PCDH15: variants seen among roughly 807,000 people sequenced by gnomAD.
PCDH15 encodes protocadherin-15.
PCDH15 carries 129 observed loss-of-function variants against 178.5 expected under a neutral mutation model. The observed-to-expected ratio is 0.72, with a 90% confidence interval of 0.63 to 0.84. The LOEUF (loss-of-function observed/expected upper bound fraction) is 0.84, where lower values mean the gene tolerates loss of function less well. Among genes scored for constraint, PCDH15 ranks in the 40% least tolerant of loss-of-function variants. PCDH15 has a pLI of 0.00. For synonymous variants in PCDH15, 800 were observed against 732.0 expected (o/e 1.09, Z -1.50); for missense variants, 2,230 against 2,099.9 (o/e 1.06, Z -1.21).
chr10:55,367,914 A>T (rs1023825523), intron 2 of PCDH15, among the ~76,000 whole-genome samples: 1 of 152,110 alleles, frequency 6.6e-6, no homozygotes, highest in Non-Finnish European at 1.5e-5. Context: ...TTATCTACTT[A>T]TTTCTTCCAA....
chr10:55,201,821 T>A (rs778132310), intron 1 of PCDH15, among the ~76,000 whole-genome samples: 1 of 152,210 alleles, frequency 6.6e-6, no homozygotes, highest in Non-Finnish European at 1.5e-5. Flanking sequence ...CTTTTTTAAA[T>A]GAAATAATAC....
At chr10:54,174,702 CTTTTT>C (rs1169302544) in intron 13 of PCDH15, among the ~76,000 whole-genome samples, 2 of 84,054 alleles carry the variant, frequency 2.4e-5, no homozygotes, top group African/African-American at 5.0e-5. Flanking sequence ...TTTTTCTTTT[CTTTTT>C]TTTTTTTTTT....
chr10:55,012,713 T>A (rs1372333321), intron 2 of PCDH15, among the ~76,000 whole-genome samples: 1 of 152,144 alleles, frequency 6.6e-6, no homozygotes, highest in Non-Finnish European at 1.5e-5. Flanking sequence ...TTATTCCTTC[T>A]AAATTTCTGA....
At chr10:55,190,066 T>C (rs1564877105) in intron 1 of PCDH15, among the ~76,000 whole-genome samples, 1 of 151,730 alleles carries the variant, frequency 6.6e-6, no homozygotes, top group Non-Finnish European at 1.5e-5. Context: ...TAAACCTGCA[T>C]GAAATGAAAG....
chr10:55,166,328 A>T (rs1252309301), intron 2 of PCDH15, among the ~76,000 whole-genome samples: 3 of 152,164 alleles, frequency 2.0e-5, no homozygotes, highest in African/African-American at 7.2e-5. Context: ...TAAATGTACT[A>T]AAAGAGAAAC....
chr10:55,500,670 A>G (rs1216337893), intron 2 of PCDH15, among the ~76,000 whole-genome samples: 2 of 151,752 alleles, frequency 1.3e-5, no homozygotes, highest in African/African-American at 2.4e-5. Context: ...TCCATATGGA[A>G]TTATGGACAG....
At chr10:55,231,273 C>A (rs1339143466) in intron 1 of PCDH15, among the ~76,000 whole-genome samples, 1 of 151,864 alleles carries the variant, frequency 6.6e-6, no homozygotes, top group Non-Finnish European at 1.5e-5. Flanking sequence ...GCTAAGAAAT[C>A]TGGAGAACTT....
intron 2 of PCDH15, among the ~76,000 whole-genome samples, chr10:55,103,460 G>GT (rs1241196113): frequency 6.6e-6 from 1 of 152,024 alleles, no homozygotes; most frequent in East Asian, 1.9e-4. Flanking sequence ...CACCCATGAT[G>GT]TTTTTTGTTA....
At chr10:55,037,189 T>C (rs1840756473) in intron 2 of PCDH15, among the ~76,000 whole-genome samples, 1 of 152,144 alleles carries the variant, frequency 6.6e-6, no homozygotes, top group South Asian at 2.1e-4. Context: ...AAGGATCTGA[T>C]CTTTTCAGTT....
At chr10:53,971,498 G>A (rs2089681303) in intron 21 of PCDH15, among the ~76,000 whole-genome samples, 2 of 152,260 alleles carry the variant, frequency 1.3e-5, no homozygotes, top group South Asian at 2.1e-4. Context: ...AAGTCAAATT[G>A]TCCCTTTTTT....
chr10:54,576,358 C>A (rs989752427), intron 2 of PCDH15, among the ~76,000 whole-genome samples: 1 of 152,136 alleles, frequency 6.6e-6, no homozygotes, highest in Non-Finnish European at 1.5e-5. Context: ...AATATTAAGT[C>A]AGAATGAAAA....
intron 1 of PCDH15, among the ~76,000 whole-genome samples, chr10:54,755,924 G>A (rs11004550): frequency 0.5 from 75,591 of 151,348 alleles, 19,389 homozygotes; most frequent in Middle Eastern, 0.67. Context: ...TCTCTCTATC[G>A]TGTAAACACC....
intron 3 of PCDH15, among the ~76,000 whole-genome samples, chr10:54,875,666 G>C (rs1216783921): frequency 6.6e-6 from 1 of 152,114 alleles, no homozygotes; most frequent in African/African-American, 2.4e-5. Context: ...ATCAAACCAG[G>C]TGCAACATTC....
intron 6 of PCDH15, among the ~76,000 whole-genome samples, chr10:54,345,801 CAAAAAAAAAAAAA>C (rs540507383): frequency 9.5e-5 from 5 of 52,434 alleles, no homozygotes; most frequent in South Asian, 1.7e-3. Context: ...GACTCCGTCT[CAAAAAAAAAAAAA>C]AAAAAAAAAA....
chr10:54,213,431 A>C, intron 10 of PCDH15, among the ~76,000 whole-genome samples: 1 of 152,162 alleles, frequency 6.6e-6, no homozygotes. Flanking sequence ...CTTTCAATAT[A>C]AAGAAAATAA....
At chr10:55,286,017 T>A (rs1056540396) in intron 1 of PCDH15, among the ~76,000 whole-genome samples, 3 of 151,946 alleles carry the variant, frequency 2.0e-5, no homozygotes, top group African/African-American at 7.2e-5. Context: ...ATTTAAACAA[T>A]AACAGCTGTG....
chr10:54,597,229 C>T (rs115437078), intron 2 of PCDH15, among the ~76,000 whole-genome samples: 1,892 of 151,944 alleles, frequency 0.012, 42 homozygotes, highest in African/African-American at 0.043. Context: ...GCAAAAGAAA[C>T]GAGATCATAC....
At chr10:54,189,505 T>C (rs1041562651) in intron 11 of PCDH15, 7 of 224,798 alleles carry the variant, frequency 3.1e-5, no homozygotes, top group Non-Finnish European at 4.2e-5. Flanking sequence ...GAGTATACAA[T>C]TTTTTTATTA....
At chr10:55,214,478 T>C (rs1840650081) in intron 1 of PCDH15, among the ~76,000 whole-genome samples, 1 of 151,974 alleles carries the variant, frequency 6.6e-6, no homozygotes, top group Admixed American at 6.6e-5. Flanking sequence ...CTGGTGGAAT[T>C]AGAACTTTTA....
Sources: allele counts gnomAD v4.1 joint callset (sites outside exome capture counted in the v4.1 genomes callset), GRCh38; gene constraint gnomAD v4.1.1; transcripts MANE v1.5; gene names NCBI Gene and HGNC (gene_info 2026-07-23, HGNC 2026-07-21).